Variants in ABTB3 observed in about 807,000 individuals in gnomAD.
ABTB3 encodes the protein ankyrin repeat- and BTB/POZ domain-containing protein 3.
chr12:107,469,957 T>TC, the ABTB3 span, among the ~76,000 whole-genome samples: 1 of 69,328 alleles, frequency 1.4e-5, no homozygotes, highest in African/African-American at 9.6e-5. Context: ...TCTTTCTTTC[T>TC]TTCTTTCTTT....
At chr12:107,461,711 T>C in the ABTB3 span, among the ~76,000 whole-genome samples, 1 of 152,066 alleles carries the variant, frequency 6.6e-6, no homozygotes, top group African/African-American at 2.4e-5. Context: ...GGTGGGGAAG[T>C]TGGGGAGGTA....
At chr12:107,536,948 T>C in the ABTB3 span, among the ~76,000 whole-genome samples, 1 of 152,164 alleles carries the variant, frequency 6.6e-6, no homozygotes, top group Non-Finnish European at 1.5e-5. Flanking sequence ...TGTAACACTA[T>C]TTATAAAACC....
the ABTB3 span, among the ~76,000 whole-genome samples, chr12:107,488,945 C>A: frequency 6.6e-6 from 1 of 152,008 alleles, no homozygotes; most frequent in African/African-American, 2.4e-5. Context: ...AAAGAAGCAA[C>A]CATCAGCACT....
chr12:107,405,340 A>G, the ABTB3 span, among the ~76,000 whole-genome samples: 12 of 152,356 alleles, frequency 7.9e-5, no homozygotes, highest in East Asian at 1.2e-3. Context: ...TGGCTCTTCA[A>G]TTGAGTTCCC....
chr12:107,391,855 G>A, the ABTB3 span, among the ~76,000 whole-genome samples: 3 of 152,168 alleles, frequency 2.0e-5, no homozygotes, highest in African/African-American at 7.2e-5. Flanking sequence ...GCGTGTGTAT[G>A]TGTGTGATGG....
the ABTB3 span, among the ~76,000 whole-genome samples, chr12:107,331,621 G>A: frequency 6.6e-6 from 1 of 152,184 alleles, no homozygotes; most frequent in Non-Finnish European, 1.5e-5. Flanking sequence ...GGGATGGGGT[G>A]GGTAAGAGTG....
chr12:107,512,160 A>T, the ABTB3 span, among the ~76,000 whole-genome samples: 42 of 152,324 alleles, frequency 2.8e-4, no homozygotes, highest in Non-Finnish European at 4.1e-4. Context: ...TGCAAAATAT[A>T]TGGAAACCCC....
the ABTB3 span, among the ~76,000 whole-genome samples, chr12:107,361,534 C>T: frequency 6.6e-6 from 1 of 152,090 alleles, no homozygotes; most frequent in Non-Finnish European, 1.5e-5. Context: ...GATTATATCC[C>T]GAGGATAAAT....
At chr12:107,596,194 T>C in the ABTB3 span, among the ~76,000 whole-genome samples, 9 of 152,342 alleles carry the variant, frequency 5.9e-5, no homozygotes, top group East Asian at 1.3e-3. Context: ...ACATATCACA[T>C]TGCACCCTAT....
At chr12:107,472,713 T>C in the ABTB3 span, among the ~76,000 whole-genome samples, 203 of 152,160 alleles carry the variant, frequency 1.3e-3, no homozygotes, top group African/African-American at 4.6e-3. Context: ...ACATCCGCCG[T>C]TCGGTTCCCC....
chr12:107,615,870 A>G, the ABTB3 span, among the ~76,000 whole-genome samples: 1 of 152,160 alleles, frequency 6.6e-6, no homozygotes, highest in Non-Finnish European at 1.5e-5. Context: ...ATCCAAGTTC[A>G]TGACTGCACC....
At chr12:107,419,773 C>A in the ABTB3 span, among the ~76,000 whole-genome samples, 7 of 152,278 alleles carry the variant, frequency 4.6e-5, no homozygotes, top group East Asian at 1.2e-3. Flanking sequence ...TCGTCCTCAT[C>A]GTTAATTTCA....
At chr12:107,345,364 G>A in the ABTB3 span, among the ~76,000 whole-genome samples, 2 of 152,268 alleles carry the variant, frequency 1.3e-5, no homozygotes, top group South Asian at 4.2e-4. Context: ...TATGAAGGGA[G>A]AGTTTTATAG....
At chr12:107,352,076 A>G in the ABTB3 span, among the ~76,000 whole-genome samples, 1 of 152,354 alleles carries the variant, frequency 6.6e-6, no homozygotes, top group Non-Finnish European at 1.5e-5. Flanking sequence ...GTGACTAAGC[A>G]GACAGTTCTG....
chr12:107,364,341 T>C, the ABTB3 span, among the ~76,000 whole-genome samples: 1 of 151,846 alleles, frequency 6.6e-6, no homozygotes, highest in Non-Finnish European at 1.5e-5. Context: ...CAGGCTGGAG[T>C]GCAGTGGCGT....
the ABTB3 span, among the ~76,000 whole-genome samples, chr12:107,348,181 T>C: frequency 6.6e-6 from 1 of 152,158 alleles, no homozygotes; most frequent in Admixed American, 6.5e-5. Context: ...TGTGCATGCG[T>C]GTGTGTATAT....
the ABTB3 span, among the ~76,000 whole-genome samples, chr12:107,484,678 A>G: frequency 6.6e-6 from 1 of 151,908 alleles, no homozygotes; most frequent in African/African-American, 2.4e-5. Flanking sequence ...GGACCAGAGC[A>G]GGGAAACCGC....
At chr12:107,549,255 T>C in the ABTB3 span, among the ~76,000 whole-genome samples, 35 of 152,348 alleles carry the variant, frequency 2.3e-4, no homozygotes, top group African/African-American at 8.4e-4. Flanking sequence ...AAAACAGACA[T>C]AACAGACATT....
chr12:107,475,767 G>A, the ABTB3 span, among the ~76,000 whole-genome samples: 9 of 152,018 alleles, frequency 5.9e-5, no homozygotes, highest in East Asian at 1.7e-3. Context: ...AATAAAGCTG[G>A]ACCTTTTGCC....
Sources: allele counts gnomAD v4.1 joint callset (sites outside exome capture counted in the v4.1 genomes callset), GRCh38; gene constraint gnomAD v4.1.1; transcripts MANE v1.5; gene names NCBI Gene and HGNC (gene_info 2026-07-23, HGNC 2026-07-21).